LYN: variants seen among roughly 807,000 people sequenced by gnomAD.
LYN encodes the protein LYN proto-oncogene, Src family tyrosine kinase.
In LYN, 12 loss-of-function variants were observed where a neutral mutation model predicts 65.0. The observed-to-expected ratio is 0.18, with a 90% CI of 0.12 to 0.30. The LOEUF (loss-of-function observed/expected upper bound fraction) is 0.30. Ranked by LOEUF, LYN falls within the 10% of genes least tolerant of loss-of-function variation. The pLI, the probability that LYN is intolerant of heterozygous loss-of-function variation, is 1.00. For synonymous variants in LYN, 222 were observed against 221.2 expected, an observed-to-expected ratio of 1.00 and a Z score of -0.03; for missense variants, 380 against 623.2, an observed-to-expected ratio of 0.61 and a Z score of 4.16.
intron 1 of LYN, among the ~76,000 whole-genome samples, chr8:55,881,871 C>T (rs907815593): frequency 1.3e-5 from 2 of 152,120 alleles, no homozygotes; most frequent in Admixed American, 6.5e-5. Flanking sequence ...AGCCCCAGTG[C>T]CTGGTACATA....
Position 55,919,937 on chromosome 8 carries a change from C to T in LYN, c.-5-21918C>T, listed in dbSNP as rs28450840. Among the ~76,000 whole-genome samples, 1,362 of 152,206 alleles carry T rather than the reference C, an allele frequency of 8.9e-3. 12 individuals carry two copies. Among genetic ancestry groups the T allele is most frequent in the African/African-American group, 0.022 (921 of 41,516 alleles). Reference sequence around the variant, plus strand: ...GGGAGTGGGGGTGGGAGCTTTGTCACGTGACCCCACTCTTTGCTTCTTTGT... The same window carrying T: ...GGGAGTGGGGGTGGGAGCTTTGTCATGTGACCCCACTCTTTGCTTCTTTGT... On this transcript the variant is annotated intron_variant, in intron 1 of 12. Transcript: ENST00000519728.
intron 9 of LYN, among the ~76,000 whole-genome samples, chr8:55,969,485 A>T (rs546085190): frequency 3.3e-5 from 5 of 152,332 alleles, no homozygotes; most frequent in African/African-American, 1.2e-4. Context: ...GTATCCACCC[A>T]CATTCTTTCT....
rs909189147 is a variant in LYN, at chr8:55,880,040, G to T, written c.-69G>T. On this transcript the variant is annotated 5_prime_UTR_variant, in exon 1 of 13. Coordinates refer to ENST00000519728, the MANE Select transcript of LYN (RefSeq NM_002350.4). ...AGGTCCTGCTGGGCCGCCCCGTCGC[G>T]CCCCCCACTCTGAACTCAAGTCACC... is the stretch of plus-strand genomic sequence containing the variant. 1.8e-4 allele frequency: 57 copies of T among 308,558 alleles called. 1 individual carries two copies. The highest frequency in any genetic ancestry group is 1.2e-3 in the African/African-American group (54 of 43,708). 19.1% of individuals were successfully genotyped at this position (308,558 alleles called of 1,614,324 possible). A position where few individuals can be genotyped will look rare whatever the true frequency, so the allele number is the denominator to read the frequency against.
At chr8:55,954,690 C>T (rs1807051894) in intron 8 of LYN, among the ~76,000 whole-genome samples, 1 of 151,986 alleles carries the variant, frequency 6.6e-6, no homozygotes, top group African/African-American at 2.4e-5. Context: ...AAGAAATTAG[C>T]CAGGTGCCAT....
chr8:55,957,697 C>G (rs922428784), intron 8 of LYN, among the ~76,000 whole-genome samples: 1 of 152,200 alleles, frequency 6.6e-6, no homozygotes, highest in Non-Finnish European at 1.5e-5. Flanking sequence ...AATCCTGGCA[C>G]TTCGGGAGGC....
intron 10 of LYN, among the ~76,000 whole-genome samples, chr8:55,987,108 A>G (rs1445632589): frequency 2.0e-5 from 3 of 152,100 alleles, no homozygotes; most frequent in African/African-American, 7.2e-5. Context: ...TATTTTTAGA[A>G]TAGAATAAAA....
intron 8 of LYN, among the ~76,000 whole-genome samples, chr8:55,958,102 A>T (rs1286454244): frequency 6.6e-6 from 1 of 152,214 alleles, no homozygotes; most frequent in East Asian, 1.9e-4. Flanking sequence ...CACACACCTC[A>T]GCAGACCTGC....
intron 1 of LYN, among the ~76,000 whole-genome samples, chr8:55,938,193 G>A (rs1806496442): frequency 6.6e-6 from 1 of 152,210 alleles, no homozygotes; most frequent in Admixed American, 6.5e-5. Context: ...GGATGGGTCA[G>A]TGGGTGTTGC....
intron 1 of LYN, among the ~76,000 whole-genome samples, chr8:55,912,987 TTGA>T: frequency 6.6e-6 from 1 of 152,288 alleles, no homozygotes; most frequent in Non-Finnish European, 1.5e-5. Flanking sequence ...ACTAGAAGAA[TTGA>T]TGATGCTACT....
At position 55,990,815 on chromosome 8, in the gene LYN, T is replaced by TC. The variant is rs1808225548; in HGVS notation, c.1051-7527dup. Among the ~76,000 whole-genome samples, 3 of 152,180 alleles carry TC rather than the reference T, an allele frequency of 2.0e-5. No homozygotes were observed. In the South Asian group the frequency reaches 6.2e-4, roughly 32 times the overall value. On this transcript the variant is annotated intron_variant, in intron 10 of 12. Coordinates refer to ENST00000519728, the MANE Select transcript of LYN (RefSeq NM_002350.4). ...ACTAGTTTTTCAGGTTTCTTTGAAATCCCCTGGGCCAAGGGGAGGGTCTAC... is the reference window on the plus strand; with the variant it reads ...ACTAGTTTTTCAGGTTTCTTTGAAATCCCCCTGGGCCAAGGGGAGGGTCTAC...
At chr8:55,991,754 C>T (rs1808256576) in intron 10 of LYN, among the ~76,000 whole-genome samples, 1 of 152,158 alleles carries the variant, frequency 6.6e-6, no homozygotes, top group Admixed American at 6.5e-5. Flanking sequence ...TCATGGTGCA[C>T]CCCCACATGC....
intron 1 of LYN, among the ~76,000 whole-genome samples, chr8:55,901,782 C>T (rs1367964559): frequency 6.6e-6 from 1 of 152,200 alleles, no homozygotes; most frequent in Non-Finnish European, 1.5e-5. Context: ...GAACCGGCTC[C>T]CAGCTGAATA....
chr8:55,991,649 G>A (rs1808253218), intron 10 of LYN, among the ~76,000 whole-genome samples: 1 of 151,846 alleles, frequency 6.6e-6, no homozygotes, highest in Non-Finnish European at 1.5e-5. Flanking sequence ...CTCCTCCCAG[G>A]ACAGCAGTGG....
Position 56,011,251 on chromosome 8 carries a change from T to A in LYN, c.*1141T>A, listed in dbSNP as rs1808808776. ...TGGCAGGAGGTTCAAGCGGTTCTGT[T>A]CACTAAATTTTTCTCCTGTAAGCTT... On this transcript the variant is annotated 3_prime_UTR_variant, in exon 13 of 13. Transcript: ENST00000519728. 4.4e-6 allele frequency: 1 copy of A among 226,630 alleles called. No individual in the cohort carries two copies. 14.0% of individuals were successfully genotyped at this position (226,630 alleles called of 1,614,324 possible).
chr8:55,941,174 C>A (rs1806599964), intron 1 of LYN, among the ~76,000 whole-genome samples: 1 of 152,126 alleles, frequency 6.6e-6, no homozygotes, highest in South Asian at 2.1e-4. Context: ...CTCAAGGCCC[C>A]CCACCCCACT....
intron 8 of LYN, chr8:55,955,201 T>C (rs1807070872): frequency 6.6e-6 from 1 of 152,398 alleles, no homozygotes; most frequent in Non-Finnish European, 1.5e-5. Flanking sequence ...ATAGCCTTGC[T>C]CACTTTCTCC....
At chr8:55,882,534 A>C (rs1434165468) in intron 1 of LYN, among the ~76,000 whole-genome samples, 1 of 152,236 alleles carries the variant, frequency 6.6e-6, no homozygotes, top group Non-Finnish European at 1.5e-5. Context: ...CATTGTTATA[A>C]GCTCACTCCT....
intron 8 of LYN, among the ~76,000 whole-genome samples, chr8:55,961,285 T>C (rs1461132023): frequency 2.6e-5 from 4 of 152,216 alleles, no homozygotes; most frequent in Non-Finnish European, 5.9e-5. Flanking sequence ...AAGACGCTTT[T>C]TACTAGCTCA....
intron 10 of LYN, among the ~76,000 whole-genome samples, chr8:55,993,064 A>C (rs1192070952): frequency 6.6e-6 from 1 of 152,212 alleles, no homozygotes; most frequent in Non-Finnish European, 1.5e-5. Context: ...AAAATCTTAG[A>C]TATTACAATA....
Sources: allele counts gnomAD v4.1 joint callset (sites outside exome capture counted in the v4.1 genomes callset), GRCh38; gene constraint gnomAD v4.1.1; transcripts MANE v1.5; gene names NCBI Gene and HGNC (gene_info 2026-07-23, HGNC 2026-07-21).